The following LRRC63 variants were observed in gnomAD, a reference collection of about 807,000 sequenced individuals.
LRRC63 encodes the protein leucine-rich repeat-containing protein 63.
A neutral mutation model predicts 49.5 loss-of-function variants in LRRC63; 40 were observed. That is an observed-to-expected ratio of 0.81 (90% CI 0.63 to 1.05). LRRC63 has a LOEUF of 1.05. Ranked by LOEUF, LRRC63 falls within the 50% of genes least tolerant of loss-of-function variation. The probability of loss-of-function intolerance (pLI) is 0.00; values close to 1 mark genes in which losing one functional copy is unlikely to be tolerated. For synonymous variants in LRRC63, 191 were observed against 221.1 expected (o/e 0.86, Z 1.21); for missense variants, 636 against 663.1 (o/e 0.96, Z 0.45).
At chr13:46,251,631 A>C (rs2047384765) in intron 7 of LRRC63, among the ~76,000 whole-genome samples, 1 of 151,930 alleles carries the variant, frequency 6.6e-6, no homozygotes, top group South Asian at 2.1e-4. Context: ...TGGAGAGAGC[A>C]AAGTAATATA....
Position 46,265,814 on chromosome 13 carries a change from C to T in LRRC63, c.1311-919C>T, listed in dbSNP as rs1378649736. Among the ~76,000 whole-genome samples the T allele has an allele frequency of 3.9e-5, 6 of 152,290 alleles. No individual in the cohort carries two copies. The East Asian group carries it at 7.7e-4, about 20-fold the overall frequency. The stretch of plus-strand genomic sequence containing the variant: ...TGGCAGAGACTGGAGTCTTGCTCAC[C>T]TTTTTCAGACCATGAGAGGTGAATT... On this transcript the variant is annotated intron_variant, in intron 8 of 9. Coordinates refer to ENST00000595396, the Ensembl canonical transcript of LRRC63.
chr13:46,275,973 G>T (rs115140202), intron 9 of LRRC63, among the ~76,000 whole-genome samples: 3,389 of 152,050 alleles, frequency 0.022, 127 homozygotes, highest in African/African-American at 0.077. Flanking sequence ...ATTGTGAAAT[G>T]GTATTTCTTT....
intron 6 of LRRC63, chr13:46,249,977 C>T: frequency 6.5e-6 from 1 of 154,356 alleles, no homozygotes; most frequent in Non-Finnish European, 1.4e-5. Context: ...ATCTCTAACA[C>T]TTTTCTGATC....
At chr13:46,272,380 A>G (rs1460702154) in intron 9 of LRRC63, among the ~76,000 whole-genome samples, 2 of 152,246 alleles carry the variant, frequency 1.3e-5, no homozygotes, top group African/African-American at 4.8e-5. Flanking sequence ...GATAGGTGAT[A>G]AACATGAAGA....
intron 9 of LRRC63, among the ~76,000 whole-genome samples, chr13:46,274,813 A>C (rs1340932746): frequency 6.6e-6 from 1 of 152,242 alleles, no homozygotes; most frequent in Non-Finnish European, 1.5e-5. Flanking sequence ...AAATCAGCTT[A>C]GTATATCCAT....
chr13:46,220,650 G>GAAA (rs11441080), intron 2 of LRRC63, among the ~76,000 whole-genome samples: 21 of 139,404 alleles, frequency 1.5e-4, no homozygotes, highest in African/African-American at 4.0e-4. Flanking sequence ...ACTGGGGTAT[G>GAAA]AAAAAAAAAA....
intron 9 of LRRC63, chr13:46,270,119 T>C (rs2047736155): frequency 7.5e-6 from 5 of 668,754 alleles, no homozygotes; most frequent in East Asian, 5.2e-5. Flanking sequence ...GGTGCCTTTG[T>C]TCGTGGATCA....
intron 2 of LRRC63, 130 bp from the exon 3 acceptor site, chr13:46,227,382 A>G (rs1301593563): frequency 9.9e-6 from 6 of 604,146 alleles, no homozygotes; most frequent in Non-Finnish European, 1.6e-5. Context: ...GTAGCTGAGC[A>G]AGTGTATACA....
chr13:46,276,370 A>C (rs942220125), intron 9 of LRRC63, among the ~76,000 whole-genome samples: 17 of 152,138 alleles, frequency 1.1e-4, no homozygotes, highest in Non-Finnish European at 2.4e-4. Context: ...TTATGCATAT[A>C]TACCTTTCTG....
At chr13:46,271,618 C>A (rs954425440) in intron 9 of LRRC63, among the ~76,000 whole-genome samples, 1 of 151,928 alleles carries the variant, frequency 6.6e-6, no homozygotes, top group South Asian at 2.1e-4. Flanking sequence ...TGTAGTCACT[C>A]AGTCTCACAT....
At chr13:46,275,336 C>T (rs1193487052) in intron 9 of LRRC63, among the ~76,000 whole-genome samples, 1 of 152,124 alleles carries the variant, frequency 6.6e-6, no homozygotes, top group African/African-American at 2.4e-5. Flanking sequence ...GATAAATACC[C>T]AGTAATGAGA....
chr13:46,259,769 A>G (rs2047584620), intron 7 of LRRC63, among the ~76,000 whole-genome samples: 1 of 152,204 alleles, frequency 6.6e-6, no homozygotes, highest in Admixed American at 6.5e-5. Context: ...GTAAAAAACA[A>G]TCCTACACTG....
intron 8 of LRRC63, among the ~76,000 whole-genome samples, chr13:46,262,640 A>C (rs1368768165): frequency 6.6e-6 from 1 of 151,814 alleles, no homozygotes; most frequent in Non-Finnish European, 1.5e-5. Context: ...TTTCTACTCT[A>C]AAACTTTTTT....
intron 9 of LRRC63, among the ~76,000 whole-genome samples, chr13:46,273,266 T>C (rs140334899): frequency 2.6e-3 from 391 of 152,082 alleles, no homozygotes; most frequent in African/African-American, 8.9e-3. Flanking sequence ...AAGAGGGATG[T>C]GTACAAAGAG....
Position 46,242,601 on chromosome 13 carries a change from G to C in LRRC63, c.991-3926G>C, listed in dbSNP as rs79794968. Among the ~76,000 whole-genome samples, 26 of 152,186 alleles carry C rather than the reference G, an allele frequency of 1.7e-4. No homozygotes were observed. In the East Asian group the frequency reaches 4.6e-3, roughly 27 times the overall value. ...TCACCAATTAGATTAAATGCAGGAG[G>C]AATTTCCCAAGGTACATCATAATCA... On this transcript the variant is annotated intron_variant, in intron 5 of 9. Transcript: ENST00000595396.
chr13:46,249,490 A>G (rs2047315426), intron 6 of LRRC63, among the ~76,000 whole-genome samples: 1 of 151,914 alleles, frequency 6.6e-6, no homozygotes, highest in African/African-American at 2.4e-5. Flanking sequence ...AGAAAATACT[A>G]TAAATAACTG....
chr13:46,231,532 CAG>C (rs991121178), intron 4 of LRRC63, among the ~76,000 whole-genome samples: 1 of 151,228 alleles, frequency 6.6e-6, no homozygotes, highest in African/African-American at 2.4e-5. Context: ...TTTTTTTAGA[CAG>C]AGTCTTACTC....
chr13:46,233,530 G>T, intron 4 of LRRC63, among the ~76,000 whole-genome samples: 1 of 152,212 alleles, frequency 6.6e-6, no homozygotes, highest in East Asian at 1.9e-4. Flanking sequence ...AGCAATAATG[G>T]CTGCAAAAGT....
chr13:46,221,084 A>C (rs1461750475), intron 2 of LRRC63, among the ~76,000 whole-genome samples: 2 of 152,176 alleles, frequency 1.3e-5, no homozygotes, highest in Admixed American at 6.5e-5. Flanking sequence ...TGTTGGTAGT[A>C]AGGTTTGTGT....
Sources: allele counts gnomAD v4.1 joint callset (sites outside exome capture counted in the v4.1 genomes callset), GRCh38; gene constraint gnomAD v4.1.1; transcripts MANE v1.5; gene names NCBI Gene and HGNC (gene_info 2026-07-23, HGNC 2026-07-21).